Variants in TTC5 observed in about 807,000 individuals in gnomAD.
TTC5 encodes tetratricopeptide repeat domain 5.
In TTC5, 46 loss-of-function variants were observed where a neutral mutation model predicts 57.4. That is an observed-to-expected ratio of 0.80 (90% CI 0.63 to 1.03). The LOEUF is 1.03. TTC5 is among the 50% of genes least tolerant of loss of function. TTC5 has a pLI of 0.00. For missense variants in TTC5, 504 were observed against 528.1 expected, an observed-to-expected ratio of 0.95 and a Z score of 0.45; for synonymous variants, 190 against 203.5, an observed-to-expected ratio of 0.93 and a Z score of 0.57.
rs746667663 is a variant in TTC5 at position 20,296,424 on chromosome 14, G to A, written c.662C>T (p.Ser221Phe). The A allele has an allele frequency of 9.9e-6, 16 of 1,613,264 alleles. No individual in the cohort carries two copies. The highest frequency in any genetic ancestry group is 2.7e-5 in the African/African-American group (2 of 75,042). The change falls in exon 6 of 10, where the codon TCT (serine) becomes TTT (phenylalanine). Residue 221 changes from serine (S) to phenylalanine (F), a missense_variant. Transcript: ENST00000258821. ...GTTCAGATGAAGGTCAGGATTGCTA[G>A]AAGCTTTTCTGTCAACTTTCTCCTA... The part of the protein sequence containing the change: ...AQAEKVDRKA[S>F]SNPDLHLNRA...
At chr14:20,305,780 C>T in intron 1 of TTC5, 107 bp downstream of exon 1, 1 of 1,171,372 alleles carries the variant, frequency 8.5e-7, no homozygotes, top group South Asian at 1.2e-5. Context: ...CACAGACGCA[C>T]GCAGCTTCGC....
chr14:20,297,418 TGTTTAAA>T (rs1882088406), intron 5 of TTC5, among the ~76,000 whole-genome samples: 1 of 152,166 alleles, frequency 6.6e-6, no homozygotes, highest in Non-Finnish European at 1.5e-5. Flanking sequence ...GAATTAAAAT[TGTTTAAA>T]TGGTTGGTTC....
At position 20,289,591 on chromosome 14, in the gene TTC5, TCTC is replaced by T; in HGVS notation, c.*33_*35del. Reference sequence around the variant, plus strand: ...ACCGGCTGTCCAGAGCCTTGTCTCCTCTCCTCCACTCCCTGTTGAGCATGCAAG... The same window carrying T: ...ACCGGCTGTCCAGAGCCTTGTCTCCTCTCCACTCCCTGTTGAGCATGCAAG... On this transcript the variant is annotated 3_prime_UTR_variant, in exon 10 of 10. Coordinates refer to ENST00000258821, the MANE Select transcript of TTC5 (RefSeq NM_138376.3). 1 of 1,592,052 alleles carries T rather than the reference TCTC, an allele frequency of 6.3e-7. No homozygotes were observed. The highest frequency in any genetic ancestry group is 8.6e-7 in the Non-Finnish European group (1 of 1,168,146).
intron 8 of TTC5, chr14:20,294,442 AC>A (rs967159602): frequency 1.3e-5 from 2 of 152,120 alleles, no homozygotes; most frequent in African/African-American, 4.8e-5. Context: ...AAATATACAA[AC>A]CCCTAGAAAA....
At position 20,289,513 on chromosome 14, in the gene TTC5, G is replaced by A. The variant is rs1027861209; in HGVS notation, c.*114C>T. On this transcript the variant is annotated 3_prime_UTR_variant, in exon 10 of 10. Transcript: ENST00000258821. Reference sequence around the variant, plus strand: ...TGTAATACAGGCAGGGAAAGAGAAAGTCTTCATTTAAAACATTCCTCCCAT... The same window carrying A: ...TGTAATACAGGCAGGGAAAGAGAAAATCTTCATTTAAAACATTCCTCCCAT... 2.3e-6 allele frequency: 3 copies of A among 1,306,008 alleles called. No individual in the cohort carries two copies. The African/African-American group carries it at 4.4e-5, about 19-fold the overall frequency. 80.9% of individuals were successfully genotyped at this position (1,306,008 alleles called of 1,614,324 possible). A position where few individuals can be genotyped will look rare whatever the true frequency, so the allele number is the denominator to read the frequency against.
chr14:20,305,776 C>G, intron 1 of TTC5, 111 bp downstream of exon 1: 1 of 1,134,106 alleles, frequency 8.8e-7, no homozygotes, highest in Admixed American at 1.7e-5. Context: ...ACCACACAGA[C>G]GCACGCAGCT....
intron 1 of TTC5, among the ~76,000 whole-genome samples, chr14:20,304,752 G>C (rs150475049): frequency 6.6e-6 from 1 of 152,130 alleles, no homozygotes; most frequent in Non-Finnish European, 1.5e-5. Context: ...TTTTAGAGAA[G>C]GGCTTATTGA....
intron 8 of TTC5, chr14:20,294,965 C>G (rs921790483): frequency 1.2e-5 from 3 of 253,132 alleles, no homozygotes; most frequent in Non-Finnish European, 2.4e-5. Context: ...AGAAATTTGT[C>G]CTCCTTCAAC....
chr14:20,294,309 A>G (rs916443163), intron 8 of TTC5: 5 of 151,920 alleles, frequency 3.3e-5, no homozygotes, highest in Non-Finnish European at 7.4e-5. Flanking sequence ...CAAAATATCT[A>G]TTTGTTCTCA....
At chr14:20,300,875 T>C in intron 2 of TTC5, 57 bp from the exon 3 acceptor site, 1 of 1,387,586 alleles carries the variant, frequency 7.2e-7, no homozygotes, top group Non-Finnish European at 9.9e-7. Flanking sequence ...ACCAGGGCAC[T>C]TTCTCTCAAA....
rs1882039124 is a variant in TTC5 at position 20,295,390 on chromosome 14, A to T, written c.980T>A (p.Leu327His). ...GGCACCGCTGTTCACCCCAGGCTGA[A>T]GCGTACTCAGTGGCTTGAGCTCCAG... Reference protein sequence around the residue: ...VTLELKPLSTLQPGVNSGAVI... With the variant: ...VTLELKPLSTHQPGVNSGAVI... The change falls in exon 8 of 10, where the codon CTT becomes CAT. Residue 327 changes from leucine to histidine, a missense_variant. By Grantham distance (99) the Leu-to-His change is moderately conservative. Coordinates refer to ENST00000258821, the MANE Select transcript of TTC5 (RefSeq NM_138376.3). The T allele has an allele frequency of 6.2e-7, 1 of 1,614,048 alleles. No homozygotes were observed. The highest frequency in any genetic ancestry group is 1.3e-5 in the African/African-American group (1 of 74,914).
chr14:20,296,285 T>G lies in TTC5; in HGVS notation c.696+105A>C, dbSNP rs1005414413. 12 of 922,078 alleles carry G rather than the reference T, an allele frequency of 1.3e-5. No individual in the cohort carries two copies. In the Admixed American group the frequency reaches 1.9e-4, roughly 14 times the overall value. 57.1% of individuals were successfully genotyped at this position (922,078 alleles called of 1,614,324 possible). A position where few individuals can be genotyped will look rare whatever the true frequency, so the allele number is the denominator to read the frequency against. On this transcript the variant is annotated intron_variant, in intron 6 of 9. Transcript: ENST00000258821. ...AAATAGCATGGCTTTCCTCTCGCAG[T>G]CTGTACCCAATCTTGTCCCTATGCA... is the stretch of plus-strand genomic sequence containing the variant.
At chr14:20,299,554 T>C in intron 3 of TTC5, 106 bp from the exon 4 acceptor site, 1 of 1,252,418 alleles carries the variant, frequency 8.0e-7, no homozygotes, top group East Asian at 2.4e-5. Context: ...TTTCTAAGTT[T>C]TTTGTTTTGT....
At chr14:20,297,750 G>A (rs1245565411) in intron 5 of TTC5, among the ~76,000 whole-genome samples, 4 of 151,754 alleles carry the variant, frequency 2.6e-5, no homozygotes, top group Admixed American at 1.3e-4. Flanking sequence ...TCCAGCCTGG[G>A]TGGCAGAATG....
intron 8 of TTC5, 136 bp from the exon 9 acceptor site, chr14:20,292,263 T>A (rs539258150): frequency 2.2e-6 from 1 of 454,820 alleles, no homozygotes; most frequent in African/African-American, 2.1e-5. Context: ...AAATAAAATA[T>A]AAAATTTAAC....
intron 6 of TTC5, 109 bp downstream of exon 6, chr14:20,296,281 G>T: frequency 3.4e-6 from 3 of 877,798 alleles, no homozygotes; most frequent in Non-Finnish European, 5.7e-6. Flanking sequence ...CTTTCCTCTC[G>T]CAGTCTGTAC....
At chr14:20,300,009 T>G (rs1191734873) in intron 3 of TTC5, among the ~76,000 whole-genome samples, 3 of 150,290 alleles carry the variant, frequency 2.0e-5, no homozygotes, top group Non-Finnish European at 4.4e-5. Context: ...CATCTAATTT[T>G]TGTATTTTTT....
At chr14:20,302,575 G>A (rs1882214685) in intron 1 of TTC5, among the ~76,000 whole-genome samples, 1 of 152,148 alleles carries the variant, frequency 6.6e-6, no homozygotes, top group African/African-American at 2.4e-5. Context: ...TGTTTAGTTT[G>A]ATTTTTTTGT....
At chr14:20,298,465 T>C (rs1423226008) in intron 5 of TTC5, among the ~76,000 whole-genome samples, 10 of 152,176 alleles carry the variant, frequency 6.6e-5, no homozygotes, top group Non-Finnish European at 1.5e-4. Context: ...ACAAAAATAT[T>C]AATAAGTATT....
Sources: gnomAD v4.1 joint callset for allele counts (sites outside exome capture counted in the v4.1 genomes callset) on GRCh38, gnomAD v4.1.1 for gene constraint, MANE v1.5 for transcripts, NCBI Gene and HGNC (gene_info 2026-07-23, HGNC 2026-07-21) for gene names.